The following PIEZO2 variants were observed in gnomAD, a reference collection of about 807,000 sequenced individuals.
PIEZO2 encodes the protein piezo type mechanosensitive ion channel component 2, also known as piezo-type mechanosensitive ion channel component 2.
In PIEZO2, 172 loss-of-function variants were observed where a neutral mutation model predicts 337.3. The ratio of observed to expected loss-of-function variants is 0.51; its 90% CI spans 0.45 to 0.58. PIEZO2 has a LOEUF of 0.58. Ranked by LOEUF, PIEZO2 falls within the 20% of genes least tolerant of loss-of-function variation. The probability of loss-of-function intolerance (pLI) is 0.00; values close to 1 mark genes in which losing one functional copy is unlikely to be tolerated. For synonymous variants in PIEZO2, 1,251 were observed against 1,228.5 expected, an observed-to-expected ratio of 1.02 and a Z score of -0.38; for missense variants, 3,028 against 3,391.3, an observed-to-expected ratio of 0.89 and a Z score of 2.66.
At chr18:11,137,835 G>A (rs773507286) in intron 1 of PIEZO2, among the ~76,000 whole-genome samples, 14 of 152,286 alleles carry the variant, frequency 9.2e-5, no homozygotes, top group African/African-American at 2.2e-4. Context: ...GGGTTTGACC[G>A]CAAGAGAAAA....
rs911725072 is a variant in PIEZO2, at chr18:10,677,529, T to C, written c.8081+218A>G. 2 of 454,442 alleles carry C rather than the reference T, an allele frequency of 4.4e-6. No individual in the cohort carries two copies. The highest frequency in any genetic ancestry group is 3.8e-6 in the Non-Finnish European group (1 of 265,088). The allele number at this position is 454,442 out of a possible 1,614,324, so 28.2% of individuals were successfully genotyped here. The stretch of plus-strand genomic sequence containing the variant: ...CACCATGCCTGGCCCAAACCCTCAT[T>C]TGGAACATAGACATAACCCTGGGGA... On this transcript the variant is annotated intron_variant, in intron 53 of 55. Coordinates refer to ENST00000674853, the MANE Select transcript of PIEZO2 (RefSeq NM_001378183.1). This position sits in a 1 kb window ranked among gnomAD's most constrained non-coding sequence, Gnocchi z 4.1.
intron 47 of PIEZO2, among the ~76,000 whole-genome samples, chr18:10,692,294 T>C (rs1405300073): frequency 2.6e-5 from 4 of 152,222 alleles, no homozygotes; most frequent in African/African-American, 9.6e-5. Context: ...ACATGGTCAG[T>C]ACAGATTTTA....
chr18:10,930,510 C>T (rs1215276746), intron 3 of PIEZO2, among the ~76,000 whole-genome samples: 1 of 152,196 alleles, frequency 6.6e-6, no homozygotes, highest in East Asian at 1.9e-4. Flanking sequence ...CTTCTGTCCC[C>T]TAAAATGTAT....
chr18:11,140,288 C>G (rs1367696791), intron 1 of PIEZO2, among the ~76,000 whole-genome samples: 1 of 152,174 alleles, frequency 6.6e-6, no homozygotes, highest in East Asian at 1.9e-4. Context: ...GCCTCTGGAT[C>G]CCTTCCACTA....
chr18:10,922,110 C>T (rs890293520), intron 3 of PIEZO2, among the ~76,000 whole-genome samples: 14 of 152,216 alleles, frequency 9.2e-5, no homozygotes, highest in South Asian at 4.1e-4. Flanking sequence ...TTGTGAAGTA[C>T]GTGATGTCTG....
chr18:10,920,043 A>C (rs568801804), intron 3 of PIEZO2, among the ~76,000 whole-genome samples: 1 of 152,210 alleles, frequency 6.6e-6, no homozygotes, highest in Non-Finnish European at 1.5e-5. Context: ...AAAAGATACA[A>C]GTATATTTCA....
intron 4 of PIEZO2, among the ~76,000 whole-genome samples, chr18:10,885,686 G>A (rs1192770191): frequency 6.6e-6 from 1 of 152,116 alleles, no homozygotes; most frequent in Non-Finnish European, 1.5e-5. Flanking sequence ...GAGGTATTGG[G>A]GAACATTTAT....
chr18:10,715,512 A>G, intron 38 of PIEZO2, 138 bp downstream of exon 38: 1 of 700,358 alleles, frequency 1.4e-6, no homozygotes, highest in South Asian at 2.9e-5. Flanking sequence ...ATTTAAATAT[A>G]CAGAAAAGCA....
chr18:10,776,774 C>G (rs912159091), intron 18 of PIEZO2, among the ~76,000 whole-genome samples: 1 of 152,156 alleles, frequency 6.6e-6, no homozygotes, highest in Non-Finnish European at 1.5e-5. Context: ...TGTATGGACT[C>G]TCCGGGAAAG....
intron 49 of PIEZO2, among the ~76,000 whole-genome samples, chr18:10,688,415 T>C (rs1445172118): frequency 1.3e-5 from 2 of 152,184 alleles, no homozygotes; most frequent in East Asian, 3.8e-4. Flanking sequence ...ACCACTGTAT[T>C]TGGAGGTAGT....
At position 10,903,328 on chromosome 18, in the gene PIEZO2, AC is replaced by A. The variant is rs2043095864; in HGVS notation, c.329+7857del. Among the ~76,000 whole-genome samples, 1 of 152,038 alleles carries A rather than the reference AC, an allele frequency of 6.6e-6. No individual in the cohort carries two copies. Among genetic ancestry groups the A allele is most frequent in the South Asian group, 2.1e-4 (1 of 4,820 alleles). On this transcript the variant is annotated intron_variant, in intron 4 of 55. Transcript: ENST00000674853. The surrounding 1 kb of genome is among the most constrained non-coding windows in gnomAD (Gnocchi z 4.1). ...CATTTCTAGAAGCACATCTAAGCTT[AC>A]CTTCTCTGGGGTTTACACCCTTCAA...
At position 10,726,633 on chromosome 18, in the gene PIEZO2, C is replaced by A; in HGVS notation, c.5029+4774G>T. ...GGGACGCCGACGTGCGCTGGGAGTA[C>A]TGCGCGCGCGCCAAGCGCGGCCAGA... is the stretch of plus-strand genomic sequence containing the variant. On this transcript the variant is annotated intron_variant, in intron 36 of 55. Coordinates refer to ENST00000674853, the MANE Select transcript of PIEZO2 (RefSeq NM_001378183.1). The surrounding 1 kb of genome is among the most constrained non-coding windows in gnomAD (Gnocchi z 5.9). 1 of 1,391,854 alleles carries A rather than the reference C, an allele frequency of 7.2e-7. No homozygotes were observed. Among genetic ancestry groups the A allele is most frequent in the Non-Finnish European group, 9.7e-7 (1 of 1,034,262 alleles). The allele number at this position is 1,391,854 out of a possible 1,614,324, so 86.2% of individuals were successfully genotyped here. A position where few individuals can be genotyped will look rare whatever the true frequency, so the allele number is the denominator to read the frequency against.
chr18:10,878,265 C>T lies in PIEZO2; in HGVS notation c.330-6850G>A, dbSNP rs1189500018. ...GGCTGGATGCATGCTAGCTCCAGGACATATCGCTGCCTCTTCAAATATTTG... is the reference window on the plus strand; with the variant it reads ...GGCTGGATGCATGCTAGCTCCAGGATATATCGCTGCCTCTTCAAATATTTG... On this transcript the variant is annotated intron_variant, in intron 4 of 55. Transcript: ENST00000674853. The surrounding 1 kb of genome is among the most constrained non-coding windows in gnomAD (Gnocchi z 4.3). Among the ~76,000 whole-genome samples the T allele has an allele frequency of 6.6e-6, 1 of 152,210 alleles. No individual in the cohort carries two copies. The highest frequency in any genetic ancestry group is 1.5e-5 in the Non-Finnish European group (1 of 68,034).
chr18:10,960,205 A>G (rs1325457079), intron 3 of PIEZO2, among the ~76,000 whole-genome samples: 2 of 152,156 alleles, frequency 1.3e-5, no homozygotes, highest in East Asian at 1.9e-4. Flanking sequence ...AATTATTAAT[A>G]TTGGTTTTAT....
chr18:10,917,782 G>A (rs999368305), intron 3 of PIEZO2, among the ~76,000 whole-genome samples: 7 of 152,180 alleles, frequency 4.6e-5, no homozygotes, highest in African/African-American at 1.4e-4. Flanking sequence ...TTCACATACT[G>A]TAGGGGCTGC....
intron 39 of PIEZO2, among the ~76,000 whole-genome samples, chr18:10,710,739 T>C (rs1227806089): frequency 2.0e-5 from 3 of 152,236 alleles, no homozygotes; most frequent in Non-Finnish European, 4.4e-5. Flanking sequence ...GGCAGCCTCC[T>C]GGCCACCAGA....
rs2039351953 is a variant in PIEZO2, at chr18:11,099,561, G to T, written c.65-33339C>A. Among the ~76,000 whole-genome samples, 5 of 152,144 alleles carry T rather than the reference G, an allele frequency of 3.3e-5. No individual in the cohort carries two copies. The highest frequency in any genetic ancestry group is 6.5e-5 in the Admixed American group (1 of 15,280). Reference sequence around the variant, plus strand: ...GGCTCACTGCAACCTCTGCCTCCAGGGTTCAAATGATTCTCTGGCCTTAGC... The same window carrying T: ...GGCTCACTGCAACCTCTGCCTCCAGTGTTCAAATGATTCTCTGGCCTTAGC... On this transcript the variant is annotated intron_variant, in intron 1 of 55. Transcript: ENST00000674853. The surrounding 1 kb of genome is among the most constrained non-coding windows in gnomAD (Gnocchi z 5.4).
rs899118694 is a variant in PIEZO2 at position 11,102,016 on chromosome 18, G to A, written c.65-35794C>T. Reference sequence around the variant, plus strand: ...GGTGATTGTGTGCCTGGGGATCCTGGGGCCCTGATTTGGAGGCTATAGACT... The same window carrying A: ...GGTGATTGTGTGCCTGGGGATCCTGAGGCCCTGATTTGGAGGCTATAGACT... On this transcript the variant is annotated intron_variant, in intron 1 of 55. Coordinates refer to ENST00000674853, the MANE Select transcript of PIEZO2 (RefSeq NM_001378183.1). The surrounding 1 kb of genome is among the most constrained non-coding windows in gnomAD (Gnocchi z 5.7). 1.3e-5 allele frequency among the ~76,000 whole-genome samples: 2 copies of A among 152,112 alleles called. No individual in the cohort carries two copies. Among genetic ancestry groups the A allele is most frequent in the African/African-American group, 2.4e-5 (1 of 41,410 alleles).
At chr18:11,024,212 G>A (rs1230904035) in intron 2 of PIEZO2, among the ~76,000 whole-genome samples, 1 of 152,116 alleles carries the variant, frequency 6.6e-6, no homozygotes, top group African/African-American at 2.4e-5. Flanking sequence ...ATAGTGCAAA[G>A]TACTGTTTGA....
Sources: gnomAD v4.1 joint callset for allele counts (sites outside exome capture counted in the v4.1 genomes callset) on GRCh38, gnomAD v4.1.1 for gene constraint, Gnocchi (gnomAD v3.1) non-coding constraint, MANE v1.5 for transcripts, NCBI Gene and HGNC (gene_info 2026-07-23, HGNC 2026-07-21) for gene names.